SLC8A1: variants seen among roughly 807,000 people sequenced by gnomAD.
SLC8A1 encodes the protein sodium/calcium exchanger 1.
Under a neutral mutation model 68.3 loss-of-function variants are expected in SLC8A1, and 18 were observed. The ratio of observed to expected loss-of-function variants is 0.26; its 90% CI spans 0.18 to 0.39. SLC8A1 has a LOEUF of 0.39. Ranked by LOEUF, SLC8A1 falls within the 10% of genes least tolerant of loss-of-function variation. The pLI is 1.00. For synonymous variants in SLC8A1, 475 were observed against 415.5 expected, an observed-to-expected ratio of 1.14 and a Z score of -1.74; for missense variants, 985 against 1,156.7, an observed-to-expected ratio of 0.85 and a Z score of 2.15.
rs188681372 is a variant in SLC8A1, at chr2:40,249,900, A to T, written c.1809-72045T>A. Reference sequence around the variant, plus strand: ...TTTGCAGATTTTAATTGAAAAAAATATATTTTGATAAGTAGCAGTACTTGT... The same window carrying T: ...TTTGCAGATTTTAATTGAAAAAAATTTATTTTGATAAGTAGCAGTACTTGT... On this transcript the variant is annotated intron_variant, in intron 2 of 7. Coordinates refer to ENST00000406785, the Ensembl canonical transcript of SLC8A1. Among the ~76,000 whole-genome samples the T allele has an allele frequency of 1.1e-4, 16 of 152,348 alleles. No individual in the cohort carries two copies. The East Asian group carries it at 2.9e-3, about 28-fold the overall frequency.
At chr2:40,278,437 C>A (rs912477272) in intron 2 of SLC8A1, among the ~76,000 whole-genome samples, 2 of 152,040 alleles carry the variant, frequency 1.3e-5, no homozygotes, top group Non-Finnish European at 2.9e-5. Context: ...CCACTGCACT[C>A]CAGCCTGGCG....
intron 4 of SLC8A1, among the ~76,000 whole-genome samples, chr2:40,165,636 C>T (rs1375237161): frequency 6.6e-6 from 1 of 152,138 alleles, no homozygotes; most frequent in Non-Finnish European, 1.5e-5. Context: ...CCATGTTAAT[C>T]TTAAAGTAAA....
intron 2 of SLC8A1, among the ~76,000 whole-genome samples, chr2:40,417,435 A>G (rs1694205945): frequency 6.6e-6 from 1 of 152,176 alleles, no homozygotes; most frequent in Non-Finnish European, 1.5e-5. Flanking sequence ...TTATTACAAC[A>G]TTTTATTGGC....
chr2:40,163,953 C>T (rs977300768), intron 5 of SLC8A1, among the ~76,000 whole-genome samples: 2 of 152,212 alleles, frequency 1.3e-5, no homozygotes, highest in Non-Finnish European at 2.9e-5. Context: ...GTCTGATTCT[C>T]TCTTTTGAAA....
intron 1 of SLC8A1, among the ~76,000 whole-genome samples, chr2:40,501,634 G>C (rs1009743938): frequency 2.0e-5 from 3 of 152,060 alleles, no homozygotes; most frequent in Admixed American, 1.3e-4. Context: ...CTCCTGGTCG[G>C]ATAGGGAAAT....
At chr2:40,300,687 T>C (rs2071291720) in intron 2 of SLC8A1, among the ~76,000 whole-genome samples, 2 of 152,134 alleles carry the variant, frequency 1.3e-5, no homozygotes, top group Non-Finnish European at 2.9e-5. Context: ...ACCAGAAACC[T>C]AGCCCTTCTG....
chr2:40,160,927 C>T (rs781459649), intron 5 of SLC8A1, 63 bp from the exon 9 acceptor site: 39 of 1,230,646 alleles, frequency 3.2e-5, no homozygotes, highest in Admixed American at 8.9e-5. Flanking sequence ...AAATCCAAGA[C>T]CTTGTTGATT....
rs201780478 is a variant in SLC8A1 at position 40,253,591 on chromosome 2, C to T, written c.1809-75736G>A. Among the ~76,000 whole-genome samples the T allele has an allele frequency of 4.8e-4, 73 of 151,924 alleles. 2 individuals carry two copies. In the South Asian group the frequency reaches 1.0e-2, roughly 21 times the overall value. On this transcript the variant is annotated intron_variant, in intron 2 of 7. Transcript: ENST00000406785. ...CTGTAATCCCAGCATTTTGGGAGGC[C>T]GAGGCAGGCGGATCACCTGAGGTCA...
intron 2 of SLC8A1, among the ~76,000 whole-genome samples, chr2:40,225,764 T>A (rs1277158364): frequency 6.6e-6 from 1 of 152,162 alleles, no homozygotes; most frequent in Non-Finnish European, 1.5e-5. Flanking sequence ...CTCCCAAAGT[T>A]GCCTTTTGGT....
chr2:40,431,194 T>G (rs1213815360), intron 1 of SLC8A1, among the ~76,000 whole-genome samples: 1 of 151,900 alleles, frequency 6.6e-6, no homozygotes, highest in African/African-American at 2.4e-5. Flanking sequence ...GGCCTAGTTG[T>G]GGGTAAGCGC....
chr2:40,197,681 G>A (rs2053316514), intron 2 of SLC8A1, among the ~76,000 whole-genome samples: 1 of 149,340 alleles, frequency 6.7e-6, no homozygotes, highest in Non-Finnish European at 1.5e-5. Flanking sequence ...AGAATGAGAG[G>A]AAACTGACTG....
chr2:40,157,250 G>T (rs1295016786), intron 6 of SLC8A1, among the ~76,000 whole-genome samples: 2 of 152,110 alleles, frequency 1.3e-5, no homozygotes, highest in Non-Finnish European at 2.9e-5. Flanking sequence ...AATGCATACG[G>T]TTTAAATTAA....
At chr2:40,412,541 T>A (rs1023633345) in intron 2 of SLC8A1, among the ~76,000 whole-genome samples, 4 of 152,182 alleles carry the variant, frequency 2.6e-5, no homozygotes, top group Admixed American at 6.6e-5. Flanking sequence ...ACCATGGGAA[T>A]GGAGGCACTA....
chr2:40,220,052 G>A (rs2058091047), intron 2 of SLC8A1: 1 of 151,380 alleles, frequency 6.6e-6, no homozygotes, highest in African/African-American at 2.4e-5. Flanking sequence ...TGAGCCCAAA[G>A]TTTCTTGGCT....
chr2:40,134,915 A>G (rs149895209), intron 7 of SLC8A1, among the ~76,000 whole-genome samples: 2 of 152,350 alleles, frequency 1.3e-5, no homozygotes, highest in East Asian at 3.9e-4. Context: ...AAATATAGAA[A>G]ATAGAGTGAA....
intron 3 of SLC8A1, among the ~76,000 whole-genome samples, chr2:40,177,190 G>A (rs2048629320): frequency 6.6e-6 from 1 of 152,064 alleles, no homozygotes; most frequent in South Asian, 2.1e-4. Flanking sequence ...GCTAAAATGA[G>A]CACTAGAATA....
intron 6 of SLC8A1, among the ~76,000 whole-genome samples, chr2:40,152,967 C>T (rs1327683728): frequency 6.6e-6 from 1 of 151,940 alleles, no homozygotes; most frequent in East Asian, 1.9e-4. Context: ...GAGGAGACCC[C>T]ATCTTTTTTA....
At chr2:40,483,399 G>A (rs918388406) in intron 1 of SLC8A1, among the ~76,000 whole-genome samples, 3 of 152,028 alleles carry the variant, frequency 2.0e-5, no homozygotes, top group African/African-American at 4.8e-5. Context: ...TAGAGGGAGA[G>A]GGTGGGTGAG....
intron 2 of SLC8A1, among the ~76,000 whole-genome samples, chr2:40,238,452 C>A (rs1371982507): frequency 6.6e-6 from 1 of 152,092 alleles, no homozygotes; most frequent in Non-Finnish European, 1.5e-5. Flanking sequence ...CAATGCTCGC[C>A]CTGCTTCGGC....
Sources: allele counts gnomAD v4.1 joint callset (sites outside exome capture counted in the v4.1 genomes callset), GRCh38; gene constraint gnomAD v4.1.1; transcripts MANE v1.5; gene names NCBI Gene and HGNC (gene_info 2026-07-23, HGNC 2026-07-21).